The following PRKN variants were observed in gnomAD, a reference collection of about 807,000 sequenced individuals.
PRKN encodes the protein E3 ubiquitin-protein ligase parkin.
PRKN carries 56 observed loss-of-function variants against 59.5 expected under a neutral mutation model. The ratio of observed to expected loss-of-function variants is 0.94; its 90% CI spans 0.76 to 1.18. PRKN has a LOEUF of 1.18. PRKN is among the 50% of genes most tolerant of loss of function. PRKN has a pLI of 0.00. For synonymous variants in PRKN, 250 were observed against 222.1 expected (o/e 1.13, Z -1.12); for missense variants, 657 against 596.4 (o/e 1.10, Z -1.06).
chr6:161,387,971 C>A (rs1385972595), intron 9 of PRKN, among the ~76,000 whole-genome samples: 1 of 152,188 alleles, frequency 6.6e-6, no homozygotes, highest in Non-Finnish European at 1.5e-5. Flanking sequence ...TACCCGCCAT[C>A]GTACAAAGAA....
At chr6:161,762,002 A>G (rs1789222879) in intron 7 of PRKN, among the ~76,000 whole-genome samples, 1 of 152,184 alleles carries the variant, frequency 6.6e-6, no homozygotes, top group African/African-American at 2.4e-5. Context: ...GGAGCTACAG[A>G]GCGAGAGTGG....
At chr6:161,945,526 C>T (rs1218243167) in intron 6 of PRKN, among the ~76,000 whole-genome samples, 1 of 152,194 alleles carries the variant, frequency 6.6e-6, no homozygotes. Flanking sequence ...ACCATTCCCA[C>T]TATATGCCAA....
chr6:161,912,267 T>TA (rs1184575083), intron 6 of PRKN, among the ~76,000 whole-genome samples: 1 of 151,398 alleles, frequency 6.6e-6, no homozygotes, highest in Non-Finnish European at 1.5e-5. Context: ...CCAGAAGCCA[T>TA]AAAGTAGTAG....
chr6:161,681,966 C>T (rs1288738938), intron 7 of PRKN, among the ~76,000 whole-genome samples: 4 of 152,240 alleles, frequency 2.6e-5, no homozygotes, highest in Non-Finnish European at 4.4e-5. Flanking sequence ...CTGTGAAAGC[C>T]GCAGTTCCCC....
chr6:162,349,986 G>GT (rs1784558654), intron 2 of PRKN, among the ~76,000 whole-genome samples: 1 of 152,156 alleles, frequency 6.6e-6, no homozygotes, highest in Admixed American at 6.6e-5. Context: ...GAAGTACTAA[G>GT]TGAGTTTAGC....
At chr6:162,694,698 G>GT (rs1408383381) in intron 1 of PRKN, 1 of 152,176 alleles carries the variant, frequency 6.6e-6, no homozygotes, top group East Asian at 1.9e-4. Flanking sequence ...ATAAAGAACT[G>GT]TTTAACTCAA....
intron 2 of PRKN, among the ~76,000 whole-genome samples, chr6:162,429,368 C>T (rs148867043): frequency 1.7e-3 from 256 of 152,230 alleles, no homozygotes; most frequent in African/African-American, 5.8e-3. Flanking sequence ...TACCCATCAC[C>T]GGAAGAATGA....
intron 1 of PRKN, among the ~76,000 whole-genome samples, chr6:162,486,551 C>T (rs918936688): frequency 1.3e-5 from 2 of 152,056 alleles, no homozygotes; most frequent in East Asian, 1.9e-4. Context: ...TGTGAGAGAC[C>T]GAATATGAGA....
At chr6:161,797,267 T>C (rs573697949) in intron 6 of PRKN, among the ~76,000 whole-genome samples, 2 of 152,338 alleles carry the variant, frequency 1.3e-5, no homozygotes, top group South Asian at 2.1e-4. Flanking sequence ...TTTCTGTTTT[T>C]TTGAGACAGA....
chr6:161,701,606 TAATC>T (rs1453434226), intron 7 of PRKN, among the ~76,000 whole-genome samples: 9 of 152,214 alleles, frequency 5.9e-5, no homozygotes, highest in African/African-American at 2.2e-4. Context: ...TTCAGTGTCA[TAATC>T]AATGCCAGAC....
intron 2 of PRKN, among the ~76,000 whole-genome samples, chr6:162,393,395 C>T (rs1366132111): frequency 6.6e-6 from 1 of 151,762 alleles, no homozygotes; most frequent in Non-Finnish European, 1.5e-5. Flanking sequence ...CTCCTGACCT[C>T]GTGATCCACC....
intron 6 of PRKN, among the ~76,000 whole-genome samples, chr6:161,912,855 T>A (rs1778414678): frequency 6.6e-6 from 1 of 152,084 alleles, no homozygotes. Flanking sequence ...CTCAGAATTT[T>A]AAAAAGTAAT....
chr6:162,170,436 CCT>C (rs1406625189), intron 4 of PRKN, among the ~76,000 whole-genome samples: 1 of 151,946 alleles, frequency 6.6e-6, no homozygotes, highest in Non-Finnish European at 1.5e-5. Flanking sequence ...GAACATTATC[CCT>C]CTCTGTCCAA....
intron 4 of PRKN, among the ~76,000 whole-genome samples, chr6:162,194,169 G>C (rs1280139127): frequency 6.6e-6 from 1 of 152,126 alleles, no homozygotes; most frequent in Non-Finnish European, 1.5e-5. Context: ...GTATATTAAA[G>C]AAGAAAACGT....
chr6:161,835,398 C>T (rs1792707452), intron 6 of PRKN, among the ~76,000 whole-genome samples: 1 of 152,174 alleles, frequency 6.6e-6, no homozygotes, highest in African/African-American at 2.4e-5. Flanking sequence ...TTACCCCACT[C>T]TTCCGTACCC....
chr6:161,380,007 C>T (rs1005894813), intron 10 of PRKN, among the ~76,000 whole-genome samples: 2 of 152,232 alleles, frequency 1.3e-5, no homozygotes, highest in African/African-American at 4.8e-5. Flanking sequence ...ATCCCAAGCT[C>T]CTGCCTGTGG....
chr6:162,440,947 T>C (rs1790020238), intron 2 of PRKN, among the ~76,000 whole-genome samples: 1 of 152,010 alleles, frequency 6.6e-6, no homozygotes, highest in Admixed American at 6.6e-5. Flanking sequence ...AACATAGCCA[T>C]CAATTTGCAA....
intron 1 of PRKN, among the ~76,000 whole-genome samples, chr6:162,708,698 C>T (rs767242448): frequency 1.3e-5 from 2 of 152,184 alleles, no homozygotes; most frequent in Non-Finnish European, 2.9e-5. Flanking sequence ...CTGGCCTAAC[C>T]CCATTCCAGG....
At chr6:162,533,483 G>A (rs1052456428) in intron 1 of PRKN, among the ~76,000 whole-genome samples, 3 of 152,080 alleles carry the variant, frequency 2.0e-5, no homozygotes, top group Non-Finnish European at 2.9e-5. Context: ...AGCCAAGATC[G>A]CACCACTGCA....
Sources: gnomAD v4.1 joint callset for allele counts (sites outside exome capture counted in the v4.1 genomes callset) on GRCh38, gnomAD v4.1.1 for gene constraint, MANE v1.5 for transcripts, NCBI Gene and HGNC (gene_info 2026-07-23, HGNC 2026-07-21) for gene names.